SRGAP1: variants seen among roughly 807,000 people sequenced by gnomAD.
The protein encoded by SRGAP1 is SLIT-ROBO Rho GTPase activating protein 1, also known as SLIT-ROBO Rho GTPase-activating protein 1.
SRGAP1 carries 43 observed loss-of-function variants against 121.9 expected under a neutral mutation model. That is an observed-to-expected ratio of 0.35 (90% CI 0.28 to 0.46). The LOEUF is 0.46. SRGAP1 is among the 20% of genes least tolerant of loss of function. SRGAP1 has a pLI of 1.00. For synonymous variants in SRGAP1, 447 were observed against 485.4 expected (o/e 0.92, Z 1.04); for missense variants, 1,102 against 1,350.9 (o/e 0.82, Z 2.89).
intron 1 of SRGAP1, among the ~76,000 whole-genome samples, chr12:63,959,995 G>A (rs1344985551): frequency 1.3e-5 from 2 of 152,158 alleles, no homozygotes; most frequent in Admixed American, 6.5e-5. Flanking sequence ...CAGCATTGAG[G>A]TGAAGTGAAG....
rs564121671 is a variant in SRGAP1, at chr12:64,098,681, A to T, written c.1813+1306A>T. 2.2e-3 allele frequency among the ~76,000 whole-genome samples: 326 copies of T among 150,200 alleles called. 5 individuals are homozygous for T. The highest frequency in any genetic ancestry group is 7.3e-3 in the African/African-American group (289 of 39,572). On this transcript the variant is annotated intron_variant, in intron 15 of 21. Coordinates refer to ENST00000355086, the MANE Select transcript of SRGAP1 (RefSeq NM_020762.4). ...CAAGACTCTGTCTCAAAAAAAAATAAAAAAATAAAAAAGCTAACTCCATGG... is the reference window on the plus strand; with the variant it reads ...CAAGACTCTGTCTCAAAAAAAAATATAAAAATAAAAAAGCTAACTCCATGG...
intron 1 of SRGAP1, among the ~76,000 whole-genome samples, chr12:63,934,935 T>C (rs1200644748): frequency 6.6e-6 from 1 of 152,166 alleles, no homozygotes; most frequent in Admixed American, 6.5e-5. Flanking sequence ...CTTGTTTAAT[T>C]AGTGGAGATG....
At chr12:63,998,441 G>C (rs559685539) in intron 3 of SRGAP1, among the ~76,000 whole-genome samples, 1 of 152,132 alleles carries the variant, frequency 6.6e-6, no homozygotes, top group East Asian at 1.9e-4. Context: ...CAGCTAGGAG[G>C]ACTGATGATG....
At chr12:63,897,381 T>C (rs989428313) in intron 1 of SRGAP1, among the ~76,000 whole-genome samples, 5 of 152,376 alleles carry the variant, frequency 3.3e-5, no homozygotes, top group African/African-American at 1.2e-4. Context: ...ACTAGAGCAA[T>C]GCTTATGAGA....
chr12:64,005,265 C>G (rs369317017), intron 3 of SRGAP1, among the ~76,000 whole-genome samples: 1 of 152,182 alleles, frequency 6.6e-6, no homozygotes, highest in African/African-American at 2.4e-5. Context: ...AACACAAGCA[C>G]TACTTTTTAA....
At chr12:63,903,876 G>A (rs2030062514) in intron 1 of SRGAP1, among the ~76,000 whole-genome samples, 1 of 152,018 alleles carries the variant, frequency 6.6e-6, no homozygotes, top group Non-Finnish European at 1.5e-5. Context: ...CTCGTGATCT[G>A]CCCGCCTCGG....
chr12:63,913,529 G>T (rs971982577), intron 1 of SRGAP1, among the ~76,000 whole-genome samples: 1 of 146,234 alleles, frequency 6.8e-6, no homozygotes, highest in Non-Finnish European at 1.5e-5. Context: ...ACATATATGT[G>T]TGTATTATAT....
chr12:63,905,649 A>G (rs2030168220), intron 1 of SRGAP1, among the ~76,000 whole-genome samples: 1 of 152,248 alleles, frequency 6.6e-6, no homozygotes, highest in Non-Finnish European at 1.5e-5. Context: ...TACTTGCTAT[A>G]TGTAAGCCAT....
At position 64,088,818 on chromosome 12, in the gene SRGAP1, G is replaced by A. The variant is rs142595354; in HGVS notation, c.1436+1792G>A. ...CCTCCATTAGCCAGCATTACCCTGC[G>A]TCTCCCAGTCATGCGGGGACAATGA... On this transcript the variant is annotated intron_variant, in intron 11 of 21. Coordinates refer to ENST00000355086, the MANE Select transcript of SRGAP1 (RefSeq NM_020762.4). Among the ~76,000 whole-genome samples, 10 of 152,170 alleles carry A rather than the reference G, an allele frequency of 6.6e-5. No homozygotes were observed. The East Asian group carries it at 1.5e-3, about 24-fold the overall frequency.
At chr12:63,855,473 GTTTTTTTTTT>G (rs781701925) in intron 1 of SRGAP1, among the ~76,000 whole-genome samples, 7 of 52,938 alleles carry the variant, frequency 1.3e-4, no homozygotes, top group South Asian at 1.1e-3. Flanking sequence ...GAAAAATGGT[GTTTTTTTTTT>G]TTTTTTTTTT....
intron 1 of SRGAP1, 47 bp from the exon 2 acceptor site, chr12:63,983,900 T>C (rs1340013913): frequency 1.0e-6 from 1 of 968,684 alleles, no homozygotes; most frequent in African/African-American, 1.8e-5. Flanking sequence ...CCAGCATACC[T>C]CATTAATTTT....
rs567607962 is a variant in SRGAP1, at chr12:63,995,893, AT to A, written c.426+5825del. Among the ~76,000 whole-genome samples the A allele has an allele frequency of 2.1e-4, 32 of 152,258 alleles. No homozygotes were observed. The South Asian group carries it at 6.4e-3, about 31-fold the overall frequency. On this transcript the variant is annotated intron_variant, in intron 3 of 21. Transcript: ENST00000355086. Reference sequence around the variant, plus strand: ...CCAACATGAAAAAAAAAGCAAAGATATTTTATGGAGGAGAAAAGCTGTAGTT... The same window carrying A: ...CCAACATGAAAAAAAAAGCAAAGATATTTATGGAGGAGAAAAGCTGTAGTT...
At chr12:64,083,766 A>C (rs1377358440) in intron 10 of SRGAP1, among the ~76,000 whole-genome samples, 1 of 151,992 alleles carries the variant, frequency 6.6e-6, no homozygotes, top group African/African-American at 2.4e-5. Context: ...TGTGTGCAGC[A>C]TTTGGAGTTA....
intron 3 of SRGAP1, among the ~76,000 whole-genome samples, chr12:63,992,399 T>C (rs2033578077): frequency 6.6e-6 from 1 of 152,050 alleles, no homozygotes; most frequent in South Asian, 2.1e-4. Flanking sequence ...AAAGGCAAAA[T>C]TGGGCAGAAG....
intron 10 of SRGAP1, among the ~76,000 whole-genome samples, chr12:64,082,666 T>G (rs1394393771): frequency 6.6e-6 from 1 of 152,120 alleles, no homozygotes; most frequent in Non-Finnish European, 1.5e-5. Context: ...GCCAGGCTGG[T>G]CTCGAACTCC....
chr12:63,994,104 A>G (rs2033628960), intron 3 of SRGAP1, among the ~76,000 whole-genome samples: 2 of 152,206 alleles, frequency 1.3e-5, no homozygotes, highest in East Asian at 1.9e-4. Flanking sequence ...AAGTGGATAT[A>G]GTAATCTACT....
intron 1 of SRGAP1, among the ~76,000 whole-genome samples, chr12:63,934,078 G>A (rs989668417): frequency 4.6e-5 from 7 of 152,012 alleles, no homozygotes; most frequent in African/African-American, 1.2e-4. Flanking sequence ...TAGGAATATC[G>A]TCCTTTTGCC....
chr12:64,095,996 C>T (rs1312713479), intron 14 of SRGAP1, among the ~76,000 whole-genome samples: 8 of 152,274 alleles, frequency 5.3e-5, no homozygotes, highest in South Asian at 4.1e-4. Context: ...CGGGTCAAGT[C>T]GCTCAATTCC....
chr12:64,056,521 C>G (rs1391777594), intron 6 of SRGAP1, among the ~76,000 whole-genome samples: 32 of 146,536 alleles, frequency 2.2e-4, no homozygotes, highest in African/African-American at 7.4e-4. Context: ...CCATTGCACT[C>G]CAGCCTGGAC....
Sources: gnomAD v4.1 joint callset for allele counts (sites outside exome capture counted in the v4.1 genomes callset) on GRCh38, gnomAD v4.1.1 for gene constraint, MANE v1.5 for transcripts, NCBI Gene and HGNC (gene_info 2026-07-23, HGNC 2026-07-21) for gene names.